Variants in NLN observed in about 807,000 individuals in gnomAD.
NLN encodes neurolysin, also known as neurolysin, mitochondrial.
A neutral mutation model predicts 79.9 loss-of-function variants in NLN; 64 were observed. That is an observed-to-expected ratio of 0.80 (90% confidence interval 0.65 to 0.99). The LOEUF is 0.99. Ranked by LOEUF, NLN falls within the 50% of genes least tolerant of loss-of-function variation. The probability of loss-of-function intolerance (pLI) is 0.00; values close to 1 mark genes in which losing one functional copy is unlikely to be tolerated. For missense variants in NLN, 835 were observed against 858.7 expected (o/e 0.97, Z 0.34); for synonymous variants, 267 against 296.6 (o/e 0.90, Z 1.02).
At chr5:65,759,045 G>A (rs1177103973) in intron 2 of NLN, among the ~76,000 whole-genome samples, 1 of 152,162 alleles carries the variant, frequency 6.6e-6, no homozygotes, top group Non-Finnish European at 1.5e-5. Context: ...TTTTGACAAT[G>A]TGTCAGAACT....
At chr5:65,813,787 G>A (rs1189881295) in intron 12 of NLN, among the ~76,000 whole-genome samples, 2 of 152,052 alleles carry the variant, frequency 1.3e-5, no homozygotes, top group Non-Finnish European at 2.9e-5. Context: ...AATTAGCCAG[G>A]TGTGGTGGTA....
chr5:65,761,656 A>G (rs1052078548), intron 2 of NLN, among the ~76,000 whole-genome samples: 3 of 152,204 alleles, frequency 2.0e-5, no homozygotes, highest in African/African-American at 7.2e-5. Flanking sequence ...TAAGTGCTGT[A>G]TTAAATTTCA....
intron 7 of NLN, 94 bp downstream of exon 7, chr5:65,786,004 A>G: frequency 2.7e-6 from 3 of 1,126,252 alleles, no homozygotes; most frequent in Non-Finnish European, 3.8e-6. Context: ...AGGACATCCT[A>G]CTTTTCCTTC....
At chr5:65,803,602 C>T (rs557132051) in intron 9 of NLN, among the ~76,000 whole-genome samples, 12 of 152,246 alleles carry the variant, frequency 7.9e-5, no homozygotes, top group Admixed American at 6.5e-4. Context: ...GAGGGTGGGG[C>T]TCCTGCCTTC....
intron 9 of NLN, among the ~76,000 whole-genome samples, chr5:65,797,246 C>A (rs903450783): frequency 1.3e-5 from 2 of 152,066 alleles, no homozygotes; most frequent in African/African-American, 4.8e-5. Context: ...ACATTAAGAG[C>A]GGTGATGAAT....
intron 3 of NLN, among the ~76,000 whole-genome samples, chr5:65,770,787 G>A (rs1318469929): frequency 6.6e-6 from 1 of 152,142 alleles, no homozygotes; most frequent in Non-Finnish European, 1.5e-5. Flanking sequence ...GCACATTTAT[G>A]CAATGGAATA....
At chr5:65,724,539 A>G (rs1433111470) in intron 1 of NLN, among the ~76,000 whole-genome samples, 1 of 152,158 alleles carries the variant, frequency 6.6e-6, no homozygotes, top group Non-Finnish European at 1.5e-5. Context: ...TACTACTACT[A>G]TGATCATTAA....
At chr5:65,773,157 G>T (rs1451797013) in intron 3 of NLN, among the ~76,000 whole-genome samples, 2 of 134,996 alleles carry the variant, frequency 1.5e-5, no homozygotes. Context: ...TCTGCAACAG[G>T]TCCTCACTCT....
intron 1 of NLN, among the ~76,000 whole-genome samples, chr5:65,751,346 T>C (rs537736228): frequency 1.3e-5 from 2 of 152,302 alleles, no homozygotes; most frequent in Non-Finnish European, 2.9e-5. Context: ...AATGTTTACT[T>C]GTGATGATGA....
chr5:65,812,119 G>C (rs770962898), intron 11 of NLN, 136 bp from the exon 12 acceptor site: 13 of 713,716 alleles, frequency 1.8e-5, no homozygotes, highest in Non-Finnish European at 2.7e-5. Flanking sequence ...ATCAGCCCAA[G>C]GAGTACTAGA....
chr5:65,758,622 C>G lies in NLN; in HGVS notation c.97C>G (p.Pro33Ala), dbSNP rs139140754. Residue 33 changes from proline (P) to alanine (A), a missense_variant, in exon 2 of 13, where the codon CCT becomes GCT. Coordinates refer to ENST00000380985, the MANE Select transcript of NLN (RefSeq NM_020726.5). ...RMTLGREVMSPLQAMSSYTVA... is the reference protein window; with the variant it reads ...RMTLGREVMSALQAMSSYTVA... ...GACGTTAGGAAGAGAAGTGATGTCT[C>G]CTCTTCAGGCAATGTCTTCCTATAC... 9.8e-5 allele frequency: 157 copies of G among 1,602,670 alleles called. No homozygotes were observed. In the African/African-American group the frequency reaches 1.8e-3, roughly 18 times the overall value.
At chr5:65,785,986 T>C in intron 7 of NLN, 76 bp downstream of exon 7, 3 of 1,333,202 alleles carry the variant, frequency 2.3e-6, no homozygotes, top group South Asian at 2.5e-5. Flanking sequence ...GAACATAATA[T>C]GCCTTTGAGG....
At chr5:65,726,757 T>C (rs1370841085) in intron 1 of NLN, among the ~76,000 whole-genome samples, 1 of 152,260 alleles carries the variant, frequency 6.6e-6, no homozygotes, top group Non-Finnish European at 1.5e-5. Flanking sequence ...TTAATCATCA[T>C]ATATGGTAGT....
At chr5:65,802,373 G>A (rs149056264) in intron 9 of NLN, among the ~76,000 whole-genome samples, 50 of 152,306 alleles carry the variant, frequency 3.3e-4, no homozygotes, top group African/African-American at 1.1e-3. Context: ...CGGACCAGGC[G>A]TACCACAAGC....
intron 11 of NLN, among the ~76,000 whole-genome samples, chr5:65,811,866 A>G (rs893357797): frequency 6.6e-6 from 1 of 152,204 alleles, no homozygotes. Flanking sequence ...AAATAAGTGC[A>G]ATTCTGAGAC....
chr5:65,770,549 A>T (rs1448722571), intron 3 of NLN, among the ~76,000 whole-genome samples: 1 of 152,230 alleles, frequency 6.6e-6, no homozygotes, highest in African/African-American at 2.4e-5. Flanking sequence ...ATGGATCAAC[A>T]AGAATGTTTG....
At chr5:65,777,625 A>C in intron 4 of NLN, 91 bp downstream of exon 4, 4 of 823,036 alleles carry the variant, frequency 4.9e-6, no homozygotes, top group Non-Finnish European at 1.9e-6. Context: ...GAAATCCAAA[A>C]TGCTCCACAG....
intron 9 of NLN, among the ~76,000 whole-genome samples, chr5:65,794,623 T>C (rs1490525266): frequency 1.3e-5 from 2 of 151,970 alleles, no homozygotes; most frequent in African/African-American, 4.8e-5. Context: ...AAAAAAATGC[T>C]TTGCAAAAAT....
intron 12 of NLN, among the ~76,000 whole-genome samples, chr5:65,816,356 A>G (rs2561194): frequency 0.4 from 60,685 of 151,928 alleles, 12,670 homozygotes; most frequent in Non-Finnish European, 0.45. Flanking sequence ...GTAGAGGAGA[A>G]CAGCACACAC....
Sources: allele counts gnomAD v4.1 joint callset (sites outside exome capture counted in the v4.1 genomes callset), GRCh38; gene constraint gnomAD v4.1.1; transcripts MANE v1.5; gene names NCBI Gene and HGNC (gene_info 2026-07-23, HGNC 2026-07-21).